SPOCK3: variants seen among roughly 807,000 people sequenced by gnomAD.
SPOCK3 encodes testican-3.
SPOCK3 carries 30 observed loss-of-function variants against 56.6 expected under a neutral mutation model. The observed-to-expected ratio is 0.53, with a 90% confidence interval of 0.40 to 0.72. The LOEUF is 0.72. Ranked by LOEUF, SPOCK3 falls within the 30% of genes least tolerant of loss-of-function variation. The pLI is 0.00. For missense variants in SPOCK3, 527 were observed against 530.0 expected, an observed-to-expected ratio of 0.99 and a Z score of 0.06; for synonymous variants, 196 against 183.3, an observed-to-expected ratio of 1.07 and a Z score of -0.56.
chr4:167,174,612 G>A (rs1276650436), intron 2 of SPOCK3, among the ~76,000 whole-genome samples: 2 of 152,064 alleles, frequency 1.3e-5, no homozygotes, highest in Admixed American at 6.6e-5. Flanking sequence ...CAAGAGATGA[G>A]CCTAGAGCCT....
chr4:167,065,062 T>TAAAAAAAAAAAAAAAAAA (rs74281519), intron 2 of SPOCK3, among the ~76,000 whole-genome samples: 1 of 56,868 alleles, frequency 1.8e-5, no homozygotes, highest in African/African-American at 8.1e-5. Flanking sequence ...AAAAAAAAAG[T>TAAAAAAAAAAAAAAAAAA]CAAACGCAGC....
intron 4 of SPOCK3, among the ~76,000 whole-genome samples, chr4:166,926,979 A>G (rs78318043): frequency 0.17 from 25,170 of 152,128 alleles, 2,321 homozygotes; most frequent in East Asian, 0.3. Flanking sequence ...TCCCTGAAAA[A>G]GGGGTGTAAG....
At chr4:166,931,234 G>T (rs995602926) in intron 4 of SPOCK3, among the ~76,000 whole-genome samples, 1 of 151,820 alleles carries the variant, frequency 6.6e-6, no homozygotes, top group African/African-American at 2.4e-5. Context: ...TGCCCACCTC[G>T]GCCTCTCAAA....
chr4:166,996,642 G>GT (rs1472965876), intron 4 of SPOCK3, among the ~76,000 whole-genome samples: 6 of 152,068 alleles, frequency 3.9e-5, no homozygotes, highest in Non-Finnish European at 8.8e-5. Flanking sequence ...AATGATAAAG[G>GT]TAACAGAAAG....
chr4:166,949,671 A>G (rs4327515), intron 4 of SPOCK3, among the ~76,000 whole-genome samples: 115,237 of 151,884 alleles, frequency 0.76, 43,902 homozygotes, highest in East Asian at 0.91. Flanking sequence ...CATGAACTGC[A>G]AATGCTGCTG....
At chr4:166,991,981 GT>G (rs113921654) in intron 4 of SPOCK3, among the ~76,000 whole-genome samples, 1,708 of 152,196 alleles carry the variant, frequency 0.011, 33 homozygotes, top group African/African-American at 0.039. Flanking sequence ...TAACCCTAAT[GT>G]CCATCAATAA....
intron 4 of SPOCK3, among the ~76,000 whole-genome samples, chr4:166,992,100 G>C (rs1440818164): frequency 6.6e-6 from 1 of 152,062 alleles, no homozygotes; most frequent in African/African-American, 2.4e-5. Flanking sequence ...TTCAAAACAT[G>C]TTATGTTAAA....
intron 6 of SPOCK3, among the ~76,000 whole-genome samples, chr4:166,828,500 C>A (rs1745706986): frequency 6.6e-6 from 1 of 151,858 alleles, no homozygotes; most frequent in African/African-American, 2.4e-5. Flanking sequence ...ATGTGGGGAA[C>A]AATTTTTCCC....
At chr4:167,102,045 T>G (rs751208981) in intron 2 of SPOCK3, among the ~76,000 whole-genome samples, 1 of 151,994 alleles carries the variant, frequency 6.6e-6, no homozygotes, top group Non-Finnish European at 1.5e-5. Context: ...AAAATCTAAA[T>G]AAGCAAGAGT....
intron 3 of SPOCK3, among the ~76,000 whole-genome samples, chr4:167,007,883 G>A (rs2150139313): frequency 6.6e-6 from 1 of 152,172 alleles, no homozygotes; most frequent in East Asian, 1.9e-4. Context: ...ACAGTCTAAT[G>A]ATGCTAAGGT....
intron 6 of SPOCK3, among the ~76,000 whole-genome samples, chr4:166,802,392 C>G (rs1742699145): frequency 6.6e-6 from 1 of 152,136 alleles, no homozygotes; most frequent in Non-Finnish European, 1.5e-5. Flanking sequence ...GCCGTTTTGG[C>G]TGAGTGGCTT....
At chr4:167,214,061 G>C (rs2111050747) in intron 2 of SPOCK3, among the ~76,000 whole-genome samples, 1 of 152,156 alleles carries the variant, frequency 6.6e-6, no homozygotes, top group African/African-American at 2.4e-5. Context: ...GTTCTCAAAG[G>C]CCTCATTTCT....
chr4:166,841,003 C>T (rs1391074141), intron 6 of SPOCK3, among the ~76,000 whole-genome samples: 1 of 151,912 alleles, frequency 6.6e-6, no homozygotes, highest in Non-Finnish European at 1.5e-5. Context: ...TAGTCTCGAT[C>T]TCCTGACCTC....
chr4:166,949,537 T>A (rs1009189449), intron 4 of SPOCK3, among the ~76,000 whole-genome samples: 4 of 152,174 alleles, frequency 2.6e-5, no homozygotes, highest in Non-Finnish European at 5.9e-5. Context: ...GTCCTTTCTG[T>A]TCGTTAGTTT....
chr4:167,159,550 A>G (rs1266149802), intron 2 of SPOCK3, among the ~76,000 whole-genome samples: 1 of 152,178 alleles, frequency 6.6e-6, no homozygotes, highest in Admixed American at 6.6e-5. Flanking sequence ...TGAGGCCAGC[A>G]TCATCCTGAT....
At chr4:166,800,902 C>A (rs982843852) in intron 6 of SPOCK3, among the ~76,000 whole-genome samples, 4 of 152,166 alleles carry the variant, frequency 2.6e-5, no homozygotes, top group African/African-American at 9.6e-5. Context: ...TCCCATCATG[C>A]ATGCTTCATT....
intron 4 of SPOCK3, among the ~76,000 whole-genome samples, chr4:166,943,921 A>G (rs1353799868): frequency 1.3e-5 from 2 of 152,174 alleles, no homozygotes; most frequent in Non-Finnish European, 2.9e-5. Context: ...CAAGGTGGGC[A>G]GATCACTTGA....
intron 2 of SPOCK3, among the ~76,000 whole-genome samples, chr4:167,117,132 A>G (rs748216987): frequency 1.3e-5 from 2 of 151,798 alleles, no homozygotes; most frequent in Non-Finnish European, 2.9e-5. Context: ...GGATCTTTCA[A>G]TTACCCAAAT....
rs1746489729 is a variant in SPOCK3, at chr4:166,980,794, G to A, written c.350+19555C>T. On this transcript the variant is annotated intron_variant, in intron 4 of 10. Transcript: ENST00000357545. ...ATGTGGCAATGCCTAGAAGCTTGGA[G>A]CCACTAGAAACCACAAAGCTCCAAA... Among the ~76,000 whole-genome samples, 6 of 152,222 alleles carry A rather than the reference G, an allele frequency of 3.9e-5. 1 individual carries two copies. The South Asian group carries it at 1.2e-3, about 32-fold the overall frequency.
Sources: gnomAD v4.1 joint callset for allele counts (sites outside exome capture counted in the v4.1 genomes callset) on GRCh38, gnomAD v4.1.1 for gene constraint, MANE v1.5 for transcripts, NCBI Gene and HGNC (gene_info 2026-07-23, HGNC 2026-07-21) for gene names.